The following DNAH6 variants were observed in gnomAD, a reference collection of about 807,000 sequenced individuals.
The protein encoded by DNAH6 is dynein axonemal heavy chain 6, also known as axonemal beta dynein heavy chain 6.
A neutral mutation model predicts 491.4 loss-of-function variants in DNAH6; 340 were observed. The observed-to-expected ratio is 0.69, with a 90% CI of 0.63 to 0.76. The LOEUF (loss-of-function observed/expected upper bound fraction) is 0.76, where lower values mean the gene tolerates loss of function less well. Among genes scored for constraint, DNAH6 ranks in the 30% least tolerant of loss-of-function variants. DNAH6 has a pLI of 0.00. For synonymous variants in DNAH6, 1,603 were observed against 1,686.1 expected, an observed-to-expected ratio of 0.95 and a Z score of 1.21; for missense variants, 4,443 against 4,972.2, an observed-to-expected ratio of 0.89 and a Z score of 3.20.
intron 65 of DNAH6, among the ~76,000 whole-genome samples, chr2:84,783,903 G>C (rs558086382): frequency 1.3e-4 from 20 of 152,288 alleles, no homozygotes; most frequent in Non-Finnish European, 1.5e-5. Context: ...AAGGAAGATA[G>C]CAATTTTAAG....
Position 84,733,461 on chromosome 2 carries a change from T to C in DNAH6, c.10224T>C (p.Pro3408=), listed in dbSNP as rs1334435994. ...TCAAACAGGAACGCCCACCTAAGCC[T>C]GAAGCTCCCTGGCTACCTACTGCTA... The part of the protein sequence containing the change: ...AGLEKERPPK[P]EAPWLPTATW... Residue 3408 remains proline (P), a synonymous_variant, in exon 62 of 77, where the codon CCT becomes CCC. Coordinates refer to ENST00000389394, the MANE Select transcript of DNAH6 (RefSeq NM_001370.2). 9.7e-6 allele frequency: 15 copies of C among 1,551,008 alleles called. No homozygotes were observed. In the East Asian group the frequency reaches 3.2e-4, roughly 33 times the overall value.
At chr2:84,750,891 G>A (rs1015898868) in intron 63 of DNAH6, 1 of 152,180 alleles carries the variant, frequency 6.6e-6, no homozygotes, top group South Asian at 2.1e-4. Flanking sequence ...CCTTACCCAG[G>A]TTATGATACC....
chr2:84,803,456 T>G (rs1436230153), intron 70 of DNAH6, among the ~76,000 whole-genome samples: 1 of 152,148 alleles, frequency 6.6e-6, no homozygotes, highest in Non-Finnish European at 1.5e-5. Flanking sequence ...CTAAAATGTT[T>G]TTTTAAAAAT....
rs527648847 is a variant in DNAH6 at position 84,544,412 on chromosome 2, C to T, written c.842C>T (p.Ala281Val). 32 of 1,542,848 alleles carry T rather than the reference C, an allele frequency of 2.1e-5. No individual in the cohort carries two copies. In the African/African-American group the frequency reaches 4.1e-4, roughly 20 times the overall value. Reference protein sequence around the residue: ...PIFSLFRKWKAFSVWRKNVRS... With the variant: ...PIFSLFRKWKVFSVWRKNVRS... ...TTTTCACTGTTCCGGAAATGGAAGG[C>T]TTTTAGTGTATGGAGGAAGAATGTC... Residue 281 changes from alanine (A) to valine (V), a missense_variant, in exon 5 of 77, where the codon GCT becomes GTT. Transcript: ENST00000389394.
chr2:84,777,209 C>A (rs1232098343), intron 64 of DNAH6: 1 of 194,310 alleles, frequency 5.1e-6, no homozygotes, highest in South Asian at 1.1e-4. Context: ...CAAACCTGCA[C>A]GTTGTGCACA....
intron 37 of DNAH6, among the ~76,000 whole-genome samples, chr2:84,664,397 C>G (rs1205880666): frequency 6.6e-6 from 1 of 151,856 alleles, no homozygotes; most frequent in Non-Finnish European, 1.5e-5. Flanking sequence ...TAAAGAGATG[C>G]AGGAAGATCT....
chr2:84,750,664 GCAT>G (rs1558996342), intron 63 of DNAH6: 1 of 152,116 alleles, frequency 6.6e-6, no homozygotes, highest in African/African-American at 2.4e-5. Context: ...GGTGGGTGAA[GCAT>G]CAAGTTCACT....
chr2:84,701,189 G>A lies in DNAH6; in HGVS notation c.7911G>A (p.Met2637Ile), dbSNP rs967918395. The A allele has an allele frequency of 6.4e-7, 1 of 1,551,802 alleles. No homozygotes were observed. Among genetic ancestry groups the A allele is most frequent in the East Asian group, 2.4e-5 (1 of 40,926 alleles). The change falls in exon 49 of 77, where the codon ATG becomes ATA. Residue 2637 changes from methionine (M) to isoleucine (I), a missense_variant. This residue lies in a region of DNAH6 where 2,977 missense variants were observed against 3,296.6 expected (regional missense o/e 0.90). Transcript: ENST00000389394. ...AACTGAAAGAAAAGCTTCCCTTGAT[G>A]TGCGTGAACGTTCACTTGAGTGTCT... ...NEELKEKLPL[M>I]CVNVHLSVSS...
intron 62 of DNAH6, among the ~76,000 whole-genome samples, chr2:84,737,951 CGATGTCA>C (rs1253463286): frequency 1.3e-5 from 2 of 151,936 alleles, no homozygotes; most frequent in Middle Eastern, 3.2e-3. Flanking sequence ...TCTAACTTCT[CGATGTCA>C]TTTCTAACTT....
In DNAH6 at chr2:84,584,200, G is replaced by C; in HGVS notation, c.2431G>C (p.Asp811His). 6.2e-7 allele frequency: 1 copy of C among 1,614,164 alleles called. No individual in the cohort carries two copies. The highest frequency in any genetic ancestry group is 2.2e-5 in the East Asian group (1 of 44,876). Residue 811 changes from aspartate to histidine, a missense_variant, in exon 15 of 77, where the codon GAT becomes CAT. This residue lies in a region of DNAH6 where 2,977 missense variants were observed against 3,296.6 expected (regional missense o/e 0.90). Coordinates refer to ENST00000389394, the MANE Select transcript of DNAH6 (RefSeq NM_001370.2). ...IKQFCVHLGS[D>H]LEELNNEVNE... Reference sequence around the variant, plus strand: ...GCAATTTTGTGTGCATTTGGGTAGTGATCTTGAAGAATTAAACAACGAAGT... The same window carrying C: ...GCAATTTTGTGTGCATTTGGGTAGTCATCTTGAAGAATTAAACAACGAAGT...
In DNAH6 at chr2:84,781,424, A is replaced by G. The variant is rs970555778; in HGVS notation, c.10704-69A>G. 2.5e-5 allele frequency: 33 copies of G among 1,325,488 alleles called. 1 individual carries two copies. The African/African-American group carries it at 4.1e-4, about 17-fold the overall frequency. 82.1% of individuals were successfully genotyped at this position (1,325,488 alleles called of 1,614,324 possible). A position where few individuals can be genotyped will look rare whatever the true frequency, so the allele number is the denominator to read the frequency against. On this transcript the variant is annotated intron_variant, in intron 64 of 76. Coordinates refer to ENST00000389394, the MANE Select transcript of DNAH6 (RefSeq NM_001370.2). ...TCCTAAGCAAGAGTCTACTGTATTT[A>G]TATTTCTTCATATTGATTTTGCTTT...
At chr2:84,706,843 C>T in intron 52 of DNAH6, 53 bp from the exon 53 acceptor site, 1 of 1,504,132 alleles carries the variant, frequency 6.6e-7, no homozygotes, top group Non-Finnish European at 8.8e-7. Context: ...TATTAATGGG[C>T]AAATTCAGCC....
chr2:84,772,831 A>T (rs991605131), intron 64 of DNAH6, among the ~76,000 whole-genome samples: 8 of 152,068 alleles, frequency 5.3e-5, no homozygotes, highest in African/African-American at 1.7e-4. Context: ...GTACCCAACA[A>T]TATCAGAATA....
intron 3 of DNAH6, among the ~76,000 whole-genome samples, chr2:84,527,487 A>C (rs1676715165): frequency 6.6e-6 from 1 of 152,188 alleles, no homozygotes; most frequent in South Asian, 2.1e-4. Flanking sequence ...TAAAGACTAG[A>C]ACAAATAAAA....
chr2:84,570,291 T>C (rs1022257691), intron 11 of DNAH6, among the ~76,000 whole-genome samples: 3 of 152,180 alleles, frequency 2.0e-5, no homozygotes, highest in Admixed American at 2.0e-4. Flanking sequence ...CTTGGGGAAC[T>C]TTTTTGTCTA....
chr2:84,598,127 T>TTTTCTTTTCTTTC, intron 18 of DNAH6, among the ~76,000 whole-genome samples: 1 of 109,314 alleles, frequency 9.1e-6, no homozygotes, highest in Non-Finnish European at 1.9e-5. Flanking sequence ...TCTATCTTTC[T>TTTTCTTTTCTTTC]TTTCTTTCTT....
At chr2:84,531,187 G>A (rs1014259013) in intron 4 of DNAH6, among the ~76,000 whole-genome samples, 2 of 152,080 alleles carry the variant, frequency 1.3e-5, no homozygotes, top group Admixed American at 1.3e-4. Context: ...CTTTCCAAAT[G>A]AGGCAATGAG....
chr2:84,745,036 A>G, intron 62 of DNAH6, 44 bp from the exon 63 acceptor site: 1 of 1,295,994 alleles, frequency 7.7e-7, no homozygotes, highest in South Asian at 1.7e-5. Flanking sequence ...TTTCAAAGCC[A>G]AAACAAATCT....
chr2:84,460,122 G>A, the DNAH6 span: 1 of 152,174 alleles, frequency 6.6e-6, no homozygotes, highest in Non-Finnish European at 1.5e-5. Flanking sequence ...CGTCTCTGCC[G>A]AAAATCGTGC....
Sources: gnomAD v4.1 joint callset for allele counts (sites outside exome capture counted in the v4.1 genomes callset) on GRCh38, gnomAD v4.1.1 for gene constraint, gnomAD v4.1.1 regional missense constraint, MANE v1.5 for transcripts, NCBI Gene and HGNC (gene_info 2026-07-23, HGNC 2026-07-21) for gene names.